Variants in SPARCL1 observed in about 807,000 individuals in gnomAD.
SPARCL1 encodes the protein SPARC like 1.
In SPARCL1, 52 loss-of-function variants were observed where a neutral mutation model predicts 67.1. The observed-to-expected ratio is 0.78, with a 90% CI of 0.62 to 0.98. The LOEUF (loss-of-function observed/expected upper bound fraction) is 0.98, where lower values mean the gene tolerates loss of function less well. Among genes scored for constraint, SPARCL1 ranks in the 50% least tolerant of loss-of-function variants. SPARCL1 has a pLI of 0.00. For synonymous variants in SPARCL1, 226 were observed against 267.8 expected (o/e 0.84, Z 1.52); for missense variants, 717 against 782.4 (o/e 0.92, Z 1.00).
chr4:87,474,122 A>T (rs1356299342), intron 10 of SPARCL1, among the ~76,000 whole-genome samples: 1 of 152,206 alleles, frequency 6.6e-6, no homozygotes, highest in Non-Finnish European at 1.5e-5. Flanking sequence ...TCCAGCCAAG[A>T]AGTGCCCAGT....
chr4:87,492,989 C>T (rs1048614000), intron 4 of SPARCL1, among the ~76,000 whole-genome samples: 1 of 152,190 alleles, frequency 6.6e-6, no homozygotes, highest in African/African-American at 2.4e-5. Flanking sequence ...GGTGATTCAA[C>T]TCGAAAACAA....
intron 2 of SPARCL1, among the ~76,000 whole-genome samples, chr4:87,495,529 GC>G (rs1249870047): frequency 1.3e-5 from 2 of 152,088 alleles, no homozygotes; most frequent in Non-Finnish European, 2.9e-5. Context: ...TTGTACATTT[GC>G]CTAATTTAAG....
intron 1 of SPARCL1, among the ~76,000 whole-genome samples, chr4:87,510,400 C>T (rs990965992): frequency 4.6e-5 from 7 of 152,112 alleles, no homozygotes; most frequent in Non-Finnish European, 8.8e-5. Flanking sequence ...TTGGTTATTT[C>T]TGAATACTGT....
At chr4:87,483,083 G>A (rs1054529500) in intron 7 of SPARCL1, among the ~76,000 whole-genome samples, 4 of 143,984 alleles carry the variant, frequency 2.8e-5, no homozygotes, top group Non-Finnish European at 6.1e-5. Flanking sequence ...GATCACTGCC[G>A]TTTTTTTTTT....
chr4:87,497,272 A>T, intron 2 of SPARCL1: 2 of 964,456 alleles, frequency 2.1e-6, no homozygotes, highest in Non-Finnish European at 2.5e-6. Flanking sequence ...AAAAGTTTAT[A>T]AAGAAGCCTT....
At chr4:87,484,259 A>G (rs938695786) in intron 7 of SPARCL1, among the ~76,000 whole-genome samples, 39 of 152,146 alleles carry the variant, frequency 2.6e-4, no homozygotes, top group African/African-American at 9.2e-4. Flanking sequence ...TAATTTTTGT[A>G]TGAAGTGTAA....
Position 87,516,597 on chromosome 4 carries a change from A to G in SPARCL1, c.-12+12448T>C, listed in dbSNP as rs186172362. ...TCTGTGACCCTCACCTCCATTTCACAGAACTACCATTCAGTGAGTGCTTCC... is the reference window on the plus strand; with the variant it reads ...TCTGTGACCCTCACCTCCATTTCACGGAACTACCATTCAGTGAGTGCTTCC... On this transcript the variant is annotated intron_variant, in intron 1 of 10. Transcript: ENST00000282470. Among the ~76,000 whole-genome samples the G allele has an allele frequency of 5.3e-5, 8 of 152,282 alleles. 1 individual carries two copies. The highest frequency in any genetic ancestry group is 5.2e-4 in the Admixed American group (8 of 15,284).
At chr4:87,518,661 C>A (rs763997490) in intron 1 of SPARCL1, among the ~76,000 whole-genome samples, 1 of 152,182 alleles carries the variant, frequency 6.6e-6, no homozygotes, top group Non-Finnish European at 1.5e-5. Flanking sequence ...CCACTATTTT[C>A]TTCTCCCCAT....
intron 2 of SPARCL1, among the ~76,000 whole-genome samples, chr4:87,497,719 T>C (rs1724677849): frequency 6.6e-6 from 1 of 152,232 alleles, no homozygotes; most frequent in South Asian, 2.1e-4. Flanking sequence ...ATCTGGAATG[T>C]GTCTAAATGC....
chr4:87,504,138 TG>T lies in SPARCL1; in HGVS notation c.-11-4554del, dbSNP rs1457944154. 6.3e-4 allele frequency among the ~76,000 whole-genome samples: 40 copies of T among 63,804 alleles called. 1 individual carries two copies. The highest frequency in any genetic ancestry group is 2.4e-3 in the East Asian group (6 of 2,544). The allele number at this position is 63,804 out of a possible 152,430, so 41.9% of individuals were successfully genotyped here. A position where few individuals can be genotyped will look rare whatever the true frequency, so the allele number is the denominator to read the frequency against. ...GCACATAGAAAGTGATTTGGTATTG[TG>T]TGTGTGTGTGTGTGTGTGTGTGTGT... On this transcript the variant is annotated intron_variant, in intron 1 of 10. Coordinates refer to ENST00000282470, the MANE Select transcript of SPARCL1 (RefSeq NM_004684.6).
intron 2 of SPARCL1, among the ~76,000 whole-genome samples, chr4:87,496,690 G>T (rs1396339512): frequency 4.6e-5 from 7 of 152,118 alleles, no homozygotes; most frequent in Non-Finnish European, 1.0e-4. Context: ...AATATAAACT[G>T]CCCAGTATCT....
rs186686994 is a variant in SPARCL1 at position 87,499,443 on chromosome 4, A to C, written c.54+78T>G. The C allele has an allele frequency of 6.5e-4, 747 of 1,149,914 alleles. 2 individuals are homozygous for C. Among genetic ancestry groups the C allele is most frequent in the Non-Finnish European group, 8.4e-4 (653 of 774,234 alleles). 71.2% of individuals were successfully genotyped at this position (1,149,914 alleles called of 1,614,324 possible). A position where few individuals can be genotyped will look rare whatever the true frequency, so the allele number is the denominator to read the frequency against. On this transcript the variant is annotated intron_variant, in intron 2 of 10. Transcript: ENST00000282470. ...GAGAATTTCAAACCATTATATAAGA[A>C]CATTTTCTTTTAAATGGAGGATTTC... is the stretch of plus-strand genomic sequence containing the variant.
Position 87,490,353 on chromosome 4 carries a change from T to C in SPARCL1, c.1451A>G (p.His484Arg). The C allele has an allele frequency of 1.2e-6, 2 of 1,613,412 alleles. No homozygotes were observed. The highest frequency in any genetic ancestry group is 1.7e-6 in the Non-Finnish European group (2 of 1,179,736). The change falls in exon 7 of 11, where the codon CAT (histidine) becomes CGT (arginine). Residue 484 changes from histidine to arginine, a missense_variant. Transcript: ENST00000282470. The part of the protein sequence containing the change: ...TDNQTYASSC[H>R]LFATKCRLEG... ...CAGTCTGCATTTAGTAGCGAATAGA[T>C]GACAGGAACTAGCATAGGTCTGATT...
chr4:87,516,201 C>T (rs1346735060), intron 1 of SPARCL1, among the ~76,000 whole-genome samples: 4 of 152,150 alleles, frequency 2.6e-5, no homozygotes, highest in Admixed American at 6.5e-5. Flanking sequence ...GCGCAGGACA[C>T]GTGAGTGGAG....
chr4:87,477,198 G>A (rs1296390227), intron 10 of SPARCL1, among the ~76,000 whole-genome samples: 3 of 152,192 alleles, frequency 2.0e-5, no homozygotes, highest in Non-Finnish European at 2.9e-5. Flanking sequence ...AGAATGAGAT[G>A]CAACTGGTTT....
intron 1 of SPARCL1, chr4:87,504,714 C>T (rs1234073776): frequency 1.3e-5 from 2 of 152,120 alleles, no homozygotes; most frequent in Non-Finnish European, 2.9e-5. Context: ...CTAAAAAAAT[C>T]CCAAAACAAA....
chr4:87,520,742 A>C (rs981432722), intron 1 of SPARCL1, among the ~76,000 whole-genome samples: 1 of 152,190 alleles, frequency 6.6e-6, no homozygotes, highest in African/African-American at 2.4e-5. Context: ...CTGTCCCTGG[A>C]AAAGCAAGGA....
chr4:87,490,501 GT>G, intron 6 of SPARCL1, 108 bp from the exon 7 acceptor site: 1 of 1,286,526 alleles, frequency 7.8e-7, no homozygotes, highest in Non-Finnish European at 1.1e-6. Flanking sequence ...CAAAGATGTG[GT>G]CAGGTAGGTG....
At chr4:87,482,700 C>T in intron 7 of SPARCL1, 140 bp from the exon 8 acceptor site, 1 of 812,884 alleles carries the variant, frequency 1.2e-6, no homozygotes, top group Admixed American at 2.6e-5. Context: ...GGTCCTCAGC[C>T]CTGGCAGCAG....
Sources: gnomAD v4.1 joint callset for allele counts (sites outside exome capture counted in the v4.1 genomes callset) on GRCh38, gnomAD v4.1.1 for gene constraint, MANE v1.5 for transcripts, NCBI Gene and HGNC (gene_info 2026-07-23, HGNC 2026-07-21) for gene names.